NR1D1: variants seen among roughly 807,000 people sequenced by gnomAD.
The protein encoded by NR1D1 is nuclear receptor subfamily 1 group D member 1.
A neutral mutation model predicts 51.1 loss-of-function variants in NR1D1; 17 were observed. The ratio of observed to expected loss-of-function variants is 0.33; its 90% CI spans 0.23 to 0.50. The LOEUF (loss-of-function observed/expected upper bound fraction) is 0.50, where lower values mean the gene tolerates loss of function less well. Among genes scored for constraint, NR1D1 ranks in the 20% least tolerant of loss-of-function variants. The pLI is 0.98. For missense variants in NR1D1, 647 were observed against 830.4 expected, an observed-to-expected ratio of 0.78 and a Z score of 2.71; for synonymous variants, 341 against 333.4, an observed-to-expected ratio of 1.02 and a Z score of -0.25.
Position 40,093,352 on chromosome 17 carries a change from G to A in NR1D1, c.1646-70C>T. 1 of 1,612,416 alleles carries A rather than the reference G, an allele frequency of 6.2e-7. No homozygotes were observed. Among genetic ancestry groups the A allele is most frequent in the South Asian group, 1.1e-5 (1 of 91,036 alleles). On this transcript the variant is annotated intron_variant, in intron 7 of 7. Transcript: ENST00000246672. The surrounding 1 kb of genome is among the most constrained non-coding windows in gnomAD (Gnocchi z 5.9). Reference sequence around the variant, plus strand: ...CTGAGGAGGAACCGGAGGTCTGCGAGGACCTGGCAGGCAATGCAGCCTCTC... The same window carrying A: ...CTGAGGAGGAACCGGAGGTCTGCGAAGACCTGGCAGGCAATGCAGCCTCTC...
chr17:40,098,164 G>C (rs1426068361), intron 1 of NR1D1, among the ~76,000 whole-genome samples: 1 of 152,186 alleles, frequency 6.6e-6, no homozygotes, highest in Non-Finnish European at 1.5e-5. Flanking sequence ...TTGACCCTCT[G>C]GTTACATTGC....
At chr17:40,097,007 T>C in intron 2 of NR1D1, 58 bp downstream of exon 2, 2 of 1,492,086 alleles carry the variant, frequency 1.3e-6, no homozygotes, top group Non-Finnish European at 1.8e-6. Context: ...TAAAAACCCA[T>C]TCCCAATCTG....
intron 1 of NR1D1, 123 bp downstream of exon 1, chr17:40,099,941 C>T (rs1987844216): frequency 1.3e-6 from 1 of 769,704 alleles, no homozygotes; most frequent in South Asian, 1.5e-5. Context: ...CACCGCAGCA[C>T]GTTAGCAAAT....
Position 40,092,937 on chromosome 17 carries a change from CA to C in NR1D1, c.*145del, listed in dbSNP as rs1880018277. The C allele has an allele frequency of 2.0e-6, 3 of 1,528,096 alleles. No individual in the cohort carries two copies. The highest frequency in any genetic ancestry group is 1.4e-5 in the African/African-American group (1 of 71,896). 94.7% of individuals were successfully genotyped at this position (1,528,096 alleles called of 1,614,324 possible). Reference sequence around the variant, plus strand: ...GGAGGCAGGTATTTACAAGAAGGCTCAGGGGGCCAGAGGCTCATCTTGGAAT... The same window carrying C: ...GGAGGCAGGTATTTACAAGAAGGCTCGGGGGCCAGAGGCTCATCTTGGAAT... On this transcript the variant is annotated 3_prime_UTR_variant, in exon 8 of 8. Coordinates refer to ENST00000246672, the MANE Select transcript of NR1D1 (RefSeq NM_021724.5).
At chr17:40,097,481 C>T (rs1987789165) in intron 1 of NR1D1, 78 bp from the exon 2 acceptor site, 2 of 1,180,192 alleles carry the variant, frequency 1.7e-6, no homozygotes, top group Non-Finnish European at 2.4e-6. Flanking sequence ...TCATCCCCAC[C>T]TGTCTGCCCA....
At chr17:40,094,912 C>A in intron 6 of NR1D1, 23 bp downstream of exon 6, 1 of 1,609,032 alleles carries the variant, frequency 6.2e-7, no homozygotes. Flanking sequence ...AAACAAAAAC[C>A]AGAAGCATAA....
At chr17:40,099,077 A>C (rs1987821910) in intron 1 of NR1D1, among the ~76,000 whole-genome samples, 1 of 137,758 alleles carries the variant, frequency 7.3e-6, no homozygotes, top group African/African-American at 2.7e-5. Context: ...GCCCAGCTTC[A>C]CCCAGATCTC....
Position 40,097,205 on chromosome 17 carries a change from T to C in NR1D1, c.230A>G (p.Asp77Gly), listed in dbSNP as rs780434852. The part of the protein sequence containing the change: ...SFGSIPPSLS[D>G]DGSPSSSSSS... ...AGATGAGGAAGAAGGGGAGCCGTCA[T>C]CACTCAGGCTGGGTGGAATGCTCCC... The change falls in exon 2 of 8, where the codon GAT becomes GGT. Residue 77 changes from aspartate (D) to glycine (G), a missense_variant. Transcript: ENST00000246672. 1.2e-6 allele frequency: 2 copies of C among 1,611,562 alleles called. No individual in the cohort carries two copies. The highest frequency in any genetic ancestry group is 1.7e-6 in the Non-Finnish European group (2 of 1,178,296).
At position 40,100,423 on chromosome 17, in the gene NR1D1, C is replaced by T; in HGVS notation, c.-329G>A. The T allele has an allele frequency of 2.1e-6, 1 of 466,212 alleles. No homozygotes were observed. Among genetic ancestry groups the T allele is most frequent in the Non-Finnish European group, 3.8e-6 (1 of 262,874 alleles). The allele number at this position is 466,212 out of a possible 1,614,324, so 28.9% of individuals were successfully genotyped here. On this transcript the variant is annotated 5_prime_UTR_variant, in exon 1 of 8. Transcript: ENST00000246672. ...TACGGGGTGCCTCTGCCTGCCGGCTCCGCAGCGCTGCGGGGTGGCGAATCT... is the reference window on the plus strand; with the variant it reads ...TACGGGGTGCCTCTGCCTGCCGGCTTCGCAGCGCTGCGGGGTGGCGAATCT...
At position 40,096,726 on chromosome 17, in the gene NR1D1, A is replaced by G; in HGVS notation, c.424T>C (p.Phe142Leu). The G allele has an allele frequency of 6.2e-7, 1 of 1,614,206 alleles. No individual in the cohort carries two copies. The highest frequency in any genetic ancestry group is 1.1e-5 in the South Asian group (1 of 91,088). ...CKVCGDVASG[F>L]HYGVHACEGC... ...TCGCAGGCGTGCACACCGTAGTGGA[A>G]GCCCGAGGCAACGTCCCCACACACT... Residue 142 changes from phenylalanine to leucine, a missense_variant, in exon 3 of 8, where the codon TTC (phenylalanine) becomes CTC (leucine). Coordinates refer to ENST00000246672, the MANE Select transcript of NR1D1 (RefSeq NM_021724.5).
At chr17:40,094,243 G>T in intron 6 of NR1D1, 121 bp from the exon 7 acceptor site, 1 of 834,158 alleles carries the variant, frequency 1.2e-6, no homozygotes, top group Non-Finnish European at 2.0e-6. Flanking sequence ...AGTGGGGGTT[G>T]TTTCTGAATG....
At position 40,092,874 on chromosome 17, in the gene NR1D1, T is replaced by G; in HGVS notation, c.*209A>C. 3.0e-5 allele frequency: 35 copies of G among 1,185,516 alleles called. No homozygotes were observed. Among genetic ancestry groups the G allele is most frequent in the Admixed American group, 2.8e-5 (1 of 36,006 alleles). 73.4% of individuals were successfully genotyped at this position (1,185,516 alleles called of 1,614,324 possible). ...AGGGTTGTGGGGGAGACAGAGTGGTTTAAATAGGGGAGGAGGGGAAGTTCG... is the reference window on the plus strand; with the variant it reads ...AGGGTTGTGGGGGAGACAGAGTGGTGTAAATAGGGGAGGAGGGGAAGTTCG... On this transcript the variant is annotated 3_prime_UTR_variant, in exon 8 of 8. Transcript: ENST00000246672.
chr17:40,098,038 C>T (rs1313646007), intron 1 of NR1D1, among the ~76,000 whole-genome samples: 5 of 152,156 alleles, frequency 3.3e-5, no homozygotes, highest in East Asian at 1.9e-4. Flanking sequence ...AAAAGGACTT[C>T]GAGGTGCGAG....
At chr17:40,097,493 A>G (rs1302462351) in intron 1 of NR1D1, 90 bp from the exon 2 acceptor site, 3 of 1,026,650 alleles carry the variant, frequency 2.9e-6, no homozygotes, top group Non-Finnish European at 4.4e-6. Flanking sequence ...GTCTGCCCAA[A>G]ACATTGCTGG....
chr17:40,099,231 C>A (rs1207484793), intron 1 of NR1D1, among the ~76,000 whole-genome samples: 2 of 152,220 alleles, frequency 1.3e-5, no homozygotes, highest in Admixed American at 1.3e-4. Flanking sequence ...CGAGAGCAGT[C>A]GCCCCGCCTC....
chr17:40,096,987 T>G (rs1987776333), intron 2 of NR1D1, 78 bp downstream of exon 2: 1 of 1,381,162 alleles, frequency 7.2e-7, no homozygotes, highest in Non-Finnish European at 1.0e-6. Context: ...CTGGCAAGAC[T>G]GGTGTCACGT....
chr17:40,097,150 A>G lies in NR1D1; in HGVS notation c.285T>C (p.Tyr95=), dbSNP rs1211364674. ...GTAGACTCCCAGGGGGGCTCCCATT[A>G]TAGAAGGAGGAGGAGGATGACGACG... The part of the protein sequence containing the change: ...SSSSSSSSSF[Y]NGSPPGSLQV... The change falls in exon 2 of 8, where the codon TAT becomes TAC. Residue 95 remains tyrosine (Y), a synonymous_variant. Transcript: ENST00000246672. 2 of 1,611,530 alleles carry G rather than the reference A, an allele frequency of 1.2e-6. No individual in the cohort carries two copies. Among genetic ancestry groups the G allele is most frequent in the Admixed American group, 3.4e-5 (2 of 59,654 alleles).
intron 1 of NR1D1, among the ~76,000 whole-genome samples, chr17:40,097,778 A>G (rs1987794223): frequency 6.6e-6 from 1 of 152,192 alleles, no homozygotes; most frequent in African/African-American, 2.4e-5. Flanking sequence ...CAAAGTGCCC[A>G]GTCCTCCAAA....
At chr17:40,098,055 G>A (rs1987799695) in intron 1 of NR1D1, among the ~76,000 whole-genome samples, 1 of 152,242 alleles carries the variant, frequency 6.6e-6, no homozygotes, top group South Asian at 2.1e-4. Context: ...CGAGTTGCAG[G>A]AGGTGGAAGT....
Sources: allele counts gnomAD v4.1 joint callset (sites outside exome capture counted in the v4.1 genomes callset), GRCh38; gene constraint gnomAD v4.1.1; non-coding constraint Gnocchi (gnomAD v3.1); transcripts MANE v1.5; gene names NCBI Gene and HGNC (gene_info 2026-07-23, HGNC 2026-07-21).